DGCR2: variants seen among roughly 807,000 people sequenced by gnomAD.
DGCR2 encodes the protein DiGeorge syndrome critical region gene 2.
DGCR2 carries 24 observed loss-of-function variants against 51.6 expected under a neutral mutation model. The observed-to-expected ratio is 0.47, with a 90% CI of 0.34 to 0.65. The LOEUF is 0.65. Among genes scored for constraint, DGCR2 ranks in the 30% least tolerant of loss-of-function variants. The pLI is 0.01. For missense variants in DGCR2, 765 were observed against 772.1 expected (o/e 0.99, Z 0.11); for synonymous variants, 340 against 315.4 (o/e 1.08, Z -0.82).
At chr22:19,046,442 C>T (rs1285526629) in intron 7 of DGCR2, 2 of 153,912 alleles carry the variant, frequency 1.3e-5, no homozygotes, top group African/African-American at 2.4e-5. Context: ...ATTTTCTATG[C>T]AATCATGTGA....
rs117455748 is a variant in DGCR2 at position 19,036,619 on chromosome 22, G to A, written c.*2246C>T. On this transcript the variant is annotated 3_prime_UTR_variant, in exon 10 of 10. Transcript: ENST00000263196. ...GATGGTGGTGCAAGAACAGATGAGCGAGTCCAGCTCTCCTCATGCTCCCAA... is the reference window on the plus strand; with the variant it reads ...GATGGTGGTGCAAGAACAGATGAGCAAGTCCAGCTCTCCTCATGCTCCCAA... The A allele has an allele frequency of 0.013, 1,934 of 152,338 alleles. 33 individuals carry two copies. Among genetic ancestry groups the A allele is most frequent in the South Asian group, 0.055 (266 of 4,832 alleles). The allele number at this position is 152,338 out of a possible 1,614,324, so 9.4% of individuals were successfully genotyped here.
chr22:19,074,455 A>G (rs2082852529), intron 2 of DGCR2, among the ~76,000 whole-genome samples: 1 of 152,076 alleles, frequency 6.6e-6, no homozygotes. Context: ...TGTGCCAACA[A>G]AAAGGAAACG....
At chr22:19,082,909 C>T (rs540001560) in intron 2 of DGCR2, among the ~76,000 whole-genome samples, 1 of 151,958 alleles carries the variant, frequency 6.6e-6, no homozygotes, top group Non-Finnish European at 1.5e-5. Context: ...GGCAACGTGG[C>T]GAAACACCGA....
At chr22:19,108,603 A>C (rs867095122) in intron 1 of DGCR2, among the ~76,000 whole-genome samples, 23 of 132,786 alleles carry the variant, frequency 1.7e-4, no homozygotes, top group Non-Finnish European at 1.9e-4. Context: ...AAAAAAAAAA[A>C]AGATGCACAG....
At chr22:19,066,230 T>C (rs1311545574) in intron 3 of DGCR2, among the ~76,000 whole-genome samples, 1 of 152,054 alleles carries the variant, frequency 6.6e-6, no homozygotes, top group African/African-American at 2.4e-5. Context: ...CGAAACCCCC[T>C]ATCTACCGAA....
chr22:19,063,596 G>A (rs749876679), intron 4 of DGCR2, among the ~76,000 whole-genome samples: 45 of 149,412 alleles, frequency 3.0e-4, no homozygotes, highest in Admixed American at 1.2e-3. Flanking sequence ...TGACCCACCC[G>A]CCTCGGCTTC....
chr22:19,096,220 A>G (rs528078619), intron 1 of DGCR2, among the ~76,000 whole-genome samples: 1 of 152,330 alleles, frequency 6.6e-6, no homozygotes, highest in South Asian at 2.1e-4. Context: ...ACTGGAGGAC[A>G]TTATGTTAAG....
At chr22:19,092,544 A>C (rs2083090379) in intron 1 of DGCR2, among the ~76,000 whole-genome samples, 1 of 152,172 alleles carries the variant, frequency 6.6e-6, no homozygotes. Context: ...AAACAATCTG[A>C]ACAGCCCTAA....
At chr22:19,112,205 A>C (rs1195956035) in intron 1 of DGCR2, among the ~76,000 whole-genome samples, 1 of 151,000 alleles carries the variant, frequency 6.6e-6, no homozygotes, top group Admixed American at 6.6e-5. Flanking sequence ...CCCGGGAGGC[A>C]GAGGTTACAG....
chr22:19,064,796 G>T (rs1306529797), intron 4 of DGCR2, 52 bp downstream of exon 4: 1 of 1,549,960 alleles, frequency 6.5e-7, no homozygotes. Flanking sequence ...CATGTGCTCA[G>T]TAGTCATCAG....
At chr22:19,065,116 A>C in intron 3 of DGCR2, 49 bp from the exon 4 acceptor site, 1 of 1,538,220 alleles carries the variant, frequency 6.5e-7, no homozygotes, top group South Asian at 1.1e-5. Flanking sequence ...CCAGCTCCAA[A>C]ATGGAAATTA....
At chr22:19,047,204 T>C (rs547604589) in intron 7 of DGCR2, 3 of 152,488 alleles carry the variant, frequency 2.0e-5, no homozygotes, top group African/African-American at 7.2e-5. Flanking sequence ...AGCCTTGTGC[T>C]CACCACAGTC....
At chr22:19,110,071 G>T (rs2083298419) in intron 1 of DGCR2, among the ~76,000 whole-genome samples, 2 of 152,198 alleles carry the variant, frequency 1.3e-5, no homozygotes, top group Non-Finnish European at 1.5e-5. Context: ...ATCATATGGG[G>T]TCTTTAAAGA....
At chr22:19,103,050 T>A (rs2083220819) in intron 1 of DGCR2, among the ~76,000 whole-genome samples, 2 of 152,070 alleles carry the variant, frequency 1.3e-5, no homozygotes, top group African/African-American at 2.4e-5. Flanking sequence ...TACATATATC[T>A]TACCACAATT....
At chr22:19,072,914 TGCAG>T (rs984369361) in intron 2 of DGCR2, among the ~76,000 whole-genome samples, 1 of 151,280 alleles carries the variant, frequency 6.6e-6, no homozygotes, top group African/African-American at 2.4e-5. Context: ...AAAAGGAAAA[TGCAG>T]ACAACACTAT....
intron 4 of DGCR2, 93 bp downstream of exon 4, chr22:19,064,755 T>A (rs1471100830): frequency 4.8e-6 from 6 of 1,245,500 alleles, no homozygotes; most frequent in Non-Finnish European, 6.9e-6. Flanking sequence ...CTGCCAGCTG[T>A]GCTCCAGGAG....
intron 1 of DGCR2, 150 bp downstream of exon 1, chr22:19,121,978 G>C (rs1439605556): frequency 5.5e-6 from 2 of 366,760 alleles, no homozygotes; most frequent in African/African-American, 2.2e-5. Context: ...CGTCCGCAGA[G>C]AGTGCCAGGC....
In DGCR2 at chr22:19,057,381, C is replaced by A. The variant is rs374562885; in HGVS notation, c.626-219G>T. ...AGCGGGAGCCACTCCTTGGAGCCTGCAAGCACACAGGCCACAAACCCTGGG... is the reference window on the plus strand; with the variant it reads ...AGCGGGAGCCACTCCTTGGAGCCTGAAAGCACACAGGCCACAAACCCTGGG... On this transcript the variant is annotated intron_variant, in intron 5 of 9. Transcript: ENST00000263196. This position sits in a 1 kb window ranked among gnomAD's most constrained non-coding sequence, Gnocchi z 5.1. 4.1e-4 allele frequency among the ~76,000 whole-genome samples: 62 copies of A among 152,346 alleles called. 1 individual carries two copies. The highest frequency in any genetic ancestry group is 3.5e-3 in the South Asian group (17 of 4,828).
intron 4 of DGCR2, 121 bp from the exon 5 acceptor site, chr22:19,063,399 GGT>G (rs2082709762): frequency 1.1e-6 from 1 of 900,832 alleles, no homozygotes; most frequent in African/African-American, 1.6e-5. Context: ...GGAGTGCAGT[GGT>G]GCGATCTCGG....
Sources: allele counts gnomAD v4.1 joint callset (sites outside exome capture counted in the v4.1 genomes callset), GRCh38; gene constraint gnomAD v4.1.1; non-coding constraint Gnocchi (gnomAD v3.1); transcripts MANE v1.5; gene names NCBI Gene and HGNC (gene_info 2026-07-23, HGNC 2026-07-21).